Variants in SUB1 observed in about 807,000 individuals in gnomAD.
The protein encoded by SUB1 is SUB1 regulator of transcription, also known as activated RNA polymerase II transcriptional coactivator p15.
In SUB1, 1 loss-of-function variant was observed where a neutral mutation model predicts 16.9. That is an observed-to-expected ratio of 0.06 (90% CI 0.02 to 0.28). The LOEUF (loss-of-function observed/expected upper bound fraction) is 0.28. Among genes scored for constraint, SUB1 ranks in the 10% least tolerant of loss-of-function variants. The pLI, the probability that SUB1 is intolerant of heterozygous loss-of-function variation, is 1.00. For synonymous variants in SUB1, 51 were observed against 46.9 expected (o/e 1.09, Z -0.36); for missense variants, 84 against 145.2 (o/e 0.58, Z 2.16).
At chr5:32,598,914 AC>A in intron 3 of SUB1, 46 bp from the exon 4 acceptor site, 1 of 1,405,098 alleles carries the variant, frequency 7.1e-7, no homozygotes, top group Non-Finnish European at 1.0e-6. Flanking sequence ...TGAAACAGAT[AC>A]CACTCTTGAA....
intron 3 of SUB1, among the ~76,000 whole-genome samples, chr5:32,593,207 A>G (rs977734813): frequency 1.3e-5 from 2 of 152,070 alleles, no homozygotes; most frequent in Non-Finnish European, 2.9e-5. Context: ...TAGAAACAGT[A>G]TTGCCCAGGC....
At chr5:32,594,305 T>C (rs1579514467) in intron 3 of SUB1, among the ~76,000 whole-genome samples, 2 of 152,150 alleles carry the variant, frequency 1.3e-5, no homozygotes, top group East Asian at 1.9e-4. Flanking sequence ...TCTGTGATAG[T>C]AAAGAGACTG....
At chr5:32,593,697 CTTT>C (rs888452800) in intron 3 of SUB1, among the ~76,000 whole-genome samples, 4 of 143,396 alleles carry the variant, frequency 2.8e-5, no homozygotes, top group Admixed American at 6.9e-5. Context: ...GTCATCTTTT[CTTT>C]TTTTTTTTTT....
intron 4 of SUB1, among the ~76,000 whole-genome samples, chr5:32,599,279 A>C (rs1739057346): frequency 1.3e-5 from 2 of 152,230 alleles, no homozygotes; most frequent in South Asian, 4.1e-4. Context: ...AACCCAGAAA[A>C]GTAACACCCC....
intron 4 of SUB1, among the ~76,000 whole-genome samples, chr5:32,599,383 T>G (rs1739059481): frequency 6.6e-6 from 1 of 152,234 alleles, no homozygotes; most frequent in Non-Finnish European, 1.5e-5. Context: ...TGGGAACTTG[T>G]AAAATCAGGA....
At chr5:32,594,566 T>G in intron 3 of SUB1, 1 of 452,290 alleles carries the variant, frequency 2.2e-6, no homozygotes, top group South Asian at 1.6e-5. Flanking sequence ...TTTTTGTGTT[T>G]GAAGGAATTA....
At chr5:32,593,966 A>G (rs1738894056) in intron 3 of SUB1, among the ~76,000 whole-genome samples, 1 of 152,120 alleles carries the variant, frequency 6.6e-6, no homozygotes, top group Non-Finnish European at 1.5e-5. Context: ...TGCTGGGATT[A>G]CAGGTGTGAG....
intron 3 of SUB1, 35 bp from the exon 4 acceptor site, chr5:32,598,926 A>G: frequency 6.6e-7 from 1 of 1,517,420 alleles, no homozygotes; most frequent in Non-Finnish European, 9.1e-7. Flanking sequence ...CACTCTTGAA[A>G]GGAGCACCTC....
At position 32,602,738 on chromosome 5, in the gene SUB1, C is replaced by T. The variant is rs1056098867; in HGVS notation, c.*1654C>T. On this transcript the variant is annotated 3_prime_UTR_variant, in exon 5 of 5. Coordinates refer to ENST00000265073, the MANE Select transcript of SUB1 (RefSeq NM_006713.4). ...AAATCTCTTGTAATTTAGCCTTCATCGAATAATAGGTACCAGTGTATTAAA... is the reference window on the plus strand; with the variant it reads ...AAATCTCTTGTAATTTAGCCTTCATTGAATAATAGGTACCAGTGTATTAAA... 7.1e-5 allele frequency: 11 copies of T among 154,114 alleles called. No individual in the cohort carries two copies. The highest frequency in any genetic ancestry group is 1.9e-4 in the Admixed American group (3 of 15,658). The allele number at this position is 154,114 out of a possible 1,614,324, so 9.5% of individuals were successfully genotyped here.
chr5:32,599,348 A>G (rs1200565933), intron 4 of SUB1, among the ~76,000 whole-genome samples: 2 of 152,224 alleles, frequency 1.3e-5, no homozygotes, highest in East Asian at 3.8e-4. Context: ...GGTTTATGCA[A>G]TTCTGAAGCA....
At chr5:32,585,687 G>C (rs1408281953) in intron 1 of SUB1, 62 bp downstream of exon 1, 1 of 152,400 alleles carries the variant, frequency 6.6e-6, no homozygotes, top group East Asian at 1.9e-4. Context: ...GCCGGGCCGT[G>C]AGCTGCCTTC....
chr5:32,601,357 AAG>A lies in SUB1; in HGVS notation c.*276_*277del, dbSNP rs1739110179. On this transcript the variant is annotated 3_prime_UTR_variant, in exon 5 of 5. Coordinates refer to ENST00000265073, the MANE Select transcript of SUB1 (RefSeq NM_006713.4). Reference sequence around the variant, plus strand: ...AACTGTTGTGGCCTTTTTTGATCATAAGAGTTGGTACTGTTTAAGGCCAAAAG... The same window carrying A: ...AACTGTTGTGGCCTTTTTTGATCATAAGTTGGTACTGTTTAAGGCCAAAAG... 2 of 346,692 alleles carry A rather than the reference AAG, an allele frequency of 5.8e-6. No individual in the cohort carries two copies. The highest frequency in any genetic ancestry group is 7.0e-5 in the South Asian group (2 of 28,726). 21.5% of individuals were successfully genotyped at this position (346,692 alleles called of 1,614,324 possible).
intron 3 of SUB1, chr5:32,594,697 G>A (rs1738913893): frequency 2.4e-5 from 10 of 423,312 alleles, no homozygotes; most frequent in Admixed American, 1.6e-4. Context: ...TCATAGGAGC[G>A]CGAACCCTAT....
chr5:32,603,889 A>C lies in SUB1; in HGVS notation c.*2805A>C, dbSNP rs909277447. ...GGCAGTTAATCCAGTGAAACACTCA[A>C]AAGTTTTTTTTTTTTTAAAAGTGTT... On this transcript the variant is annotated 3_prime_UTR_variant, in exon 5 of 5. Coordinates refer to ENST00000265073, the MANE Select transcript of SUB1 (RefSeq NM_006713.4). 1.4e-5 allele frequency: 2 copies of C among 139,884 alleles called. No individual in the cohort carries two copies. The highest frequency in any genetic ancestry group is 4.9e-5 in the African/African-American group (2 of 41,044). The allele number at this position is 139,884 out of a possible 1,614,324, so 8.7% of individuals were successfully genotyped here. A position where few individuals can be genotyped will look rare whatever the true frequency, so the allele number is the denominator to read the frequency against.
chr5:32,593,838 C>T (rs910457455), intron 3 of SUB1, among the ~76,000 whole-genome samples: 5 of 152,148 alleles, frequency 3.3e-5, no homozygotes, highest in Non-Finnish European at 4.4e-5. Context: ...GGACTACAGG[C>T]ATGCGCCACC....
rs1156440702 is a variant in SUB1, at chr5:32,603,169, C to A, written c.*2085C>A. On this transcript the variant is annotated 3_prime_UTR_variant, in exon 5 of 5. Coordinates refer to ENST00000265073, the MANE Select transcript of SUB1 (RefSeq NM_006713.4). ...GCACAGTTGGTAAGTTGACTGCTAACTTCATTTAAATGTGTTACTGGATAT... is the reference window on the plus strand; with the variant it reads ...GCACAGTTGGTAAGTTGACTGCTAAATTCATTTAAATGTGTTACTGGATAT... 2 of 152,084 alleles carry A rather than the reference C, an allele frequency of 1.3e-5. No individual in the cohort carries two copies. Among genetic ancestry groups the A allele is most frequent in the Non-Finnish European group, 2.9e-5 (2 of 67,972 alleles). 9.4% of individuals were successfully genotyped at this position (152,084 alleles called of 1,614,324 possible). A position where few individuals can be genotyped will look rare whatever the true frequency, so the allele number is the denominator to read the frequency against.
At chr5:32,588,483 A>T in intron 1 of SUB1, 29 bp from the exon 2 acceptor site, 1 of 1,596,958 alleles carries the variant, frequency 6.3e-7, no homozygotes. Context: ...TACCTTATTA[A>T]TTATTTTTGT....
chr5:32,599,027 T>A lies in SUB1; in HGVS notation c.262T>A (p.Tyr88Asn). The A allele has an allele frequency of 6.2e-7, 1 of 1,613,738 alleles. No homozygotes were observed. The highest frequency in any genetic ancestry group is 8.5e-7 in the Non-Finnish European group (1 of 1,179,834). ...KGKVLIDIRE[Y>N]WMDPEGEMKP... The stretch of plus-strand genomic sequence containing the variant: ...CAAAGTGCTAATTGATATTAGAGAA[T>A]ATTGGATGGATCCTGAAGGTGAAAT... The change falls in exon 4 of 5, where the codon TAT becomes AAT. Residue 88 changes from tyrosine (Y) to asparagine (N), a missense_variant. Around this residue, in one of 2 missense-constraint regions of SUB1, gnomAD observed 24 missense variants for 80.3 expected, o/e 0.30. Coordinates refer to ENST00000265073, the MANE Select transcript of SUB1 (RefSeq NM_006713.4).
At chr5:32,600,341 T>C (rs1739084779) in intron 4 of SUB1, among the ~76,000 whole-genome samples, 3 of 152,218 alleles carry the variant, frequency 2.0e-5, no homozygotes, top group Non-Finnish European at 2.9e-5. Flanking sequence ...TGGGCAAATA[T>C]TGGAACCAGC....
Sources: allele counts gnomAD v4.1 joint callset (sites outside exome capture counted in the v4.1 genomes callset), GRCh38; gene constraint gnomAD v4.1.1; regional missense constraint gnomAD v4.1.1; transcripts MANE v1.5; gene names NCBI Gene and HGNC (gene_info 2026-07-23, HGNC 2026-07-21).